Variants in PRKG1 observed in about 807,000 individuals in gnomAD.
PRKG1 encodes cGMP-dependent protein kinase 1.
Under a neutral mutation model 88.1 loss-of-function variants are expected in PRKG1, and 35 were observed. That is an observed-to-expected ratio of 0.40 (90% CI 0.30 to 0.53). The LOEUF is 0.53. Among genes scored for constraint, PRKG1 ranks in the 20% least tolerant of loss-of-function variants. The probability of loss-of-function intolerance (pLI) is 0.59; values close to 1 mark genes in which losing one functional copy is unlikely to be tolerated. For missense variants in PRKG1, 540 were observed against 839.8 expected, an observed-to-expected ratio of 0.64 and a Z score of 4.41; for synonymous variants, 303 against 292.5, an observed-to-expected ratio of 1.04 and a Z score of -0.37.
intron 3 of PRKG1, among the ~76,000 whole-genome samples, chr10:51,721,708 A>G (rs1301032430): frequency 6.6e-6 from 1 of 151,140 alleles, no homozygotes; most frequent in Non-Finnish European, 1.5e-5. Context: ...CCCAGGCAGT[A>G]TAGAGGATAT....
At chr10:51,464,064 G>A (rs886994627) in intron 2 of PRKG1, among the ~76,000 whole-genome samples, 8 of 152,052 alleles carry the variant, frequency 5.3e-5, no homozygotes, top group Non-Finnish European at 8.8e-5. Flanking sequence ...GAGATCAGGA[G>A]ATCGAGACCG....
At chr10:51,878,343 G>A (rs1841352605) in intron 4 of PRKG1, among the ~76,000 whole-genome samples, 1 of 151,860 alleles carries the variant, frequency 6.6e-6, no homozygotes, top group Non-Finnish European at 1.5e-5. Flanking sequence ...ATACTATGTT[G>A]AACAGGGGGA....
At chr10:51,149,437 G>T (rs2131968603) in intron 1 of PRKG1, among the ~76,000 whole-genome samples, 1 of 152,228 alleles carries the variant, frequency 6.6e-6, no homozygotes, top group African/African-American at 2.4e-5. Context: ...ACCTAAGATT[G>T]TGTAGAAAGA....
At chr10:51,674,417 A>C (rs183780919) in intron 3 of PRKG1, among the ~76,000 whole-genome samples, 1 of 152,044 alleles carries the variant, frequency 6.6e-6, no homozygotes, top group Non-Finnish European at 1.5e-5. Flanking sequence ...GGTGTTTGGC[A>C]TAGGACTGGG....
chr10:51,601,937 A>G (rs957073798), intron 3 of PRKG1, among the ~76,000 whole-genome samples: 3 of 151,642 alleles, frequency 2.0e-5, no homozygotes, highest in African/African-American at 7.3e-5. Flanking sequence ...AGCTCTTCAT[A>G]TTACAAAAAA....
intron 7 of PRKG1, among the ~76,000 whole-genome samples, chr10:52,067,725 T>C (rs1846387663): frequency 1.3e-5 from 2 of 152,112 alleles, no homozygotes; most frequent in South Asian, 4.1e-4. Context: ...ATCTTTTTTT[T>C]TTTTCTTTCC....
chr10:51,465,326 TTC>T (rs1250371332), intron 2 of PRKG1, among the ~76,000 whole-genome samples: 2 of 152,216 alleles, frequency 1.3e-5, no homozygotes, highest in African/African-American at 4.8e-5. Context: ...GCCCATAGGT[TTC>T]TTTCTACTGA....
upstream of PRKG1, among the ~76,000 whole-genome samples, chr10:51,069,772 G>C (rs1400858480): frequency 1.3e-5 from 2 of 152,070 alleles, no homozygotes; most frequent in Non-Finnish European, 2.9e-5. Context: ...GAGAAGCTCA[G>C]ATATTTTGAA....
intron 2 of PRKG1, among the ~76,000 whole-genome samples, chr10:51,345,729 A>G (rs992460837): frequency 6.6e-5 from 10 of 152,132 alleles, no homozygotes; most frequent in African/African-American, 2.2e-4. Context: ...TTATTTGTTC[A>G]TTTTTCATTT....
chr10:51,574,935 G>C (rs951924417), intron 3 of PRKG1, among the ~76,000 whole-genome samples: 1 of 151,956 alleles, frequency 6.6e-6, no homozygotes, highest in East Asian at 1.9e-4. Flanking sequence ...TAAATGGTGA[G>C]AGCAGGAGAG....
At chr10:51,122,311 C>A (rs1432794575) in intron 1 of PRKG1, among the ~76,000 whole-genome samples, 1 of 152,216 alleles carries the variant, frequency 6.6e-6, no homozygotes, top group Non-Finnish European at 1.5e-5. Context: ...TTCTCCCAAA[C>A]AGTAGTGAGA....
intron 6 of PRKG1, among the ~76,000 whole-genome samples, chr10:52,057,958 A>C (rs552968262): frequency 4.6e-5 from 7 of 152,038 alleles, no homozygotes; most frequent in Non-Finnish European, 1.0e-4. Flanking sequence ...TAGACATCCC[A>C]AATACTATAG....
intron 2 of PRKG1, among the ~76,000 whole-genome samples, chr10:51,414,056 G>A (rs543053896): frequency 7.9e-4 from 120 of 152,212 alleles, no homozygotes; most frequent in African/African-American, 2.7e-3. Flanking sequence ...TCTGAGCCTC[G>A]ATTTCCTTAT....
intron 2 of PRKG1, among the ~76,000 whole-genome samples, chr10:51,315,967 T>C (rs950938945): frequency 5.9e-5 from 9 of 152,236 alleles, no homozygotes; most frequent in Non-Finnish European, 8.8e-5. Context: ...CAAAATCTCC[T>C]ATAATTGGGT....
intron 1 of PRKG1, among the ~76,000 whole-genome samples, chr10:51,098,729 A>G (rs926008999): frequency 6.6e-6 from 1 of 152,220 alleles, no homozygotes; most frequent in Non-Finnish European, 1.5e-5. Flanking sequence ...AGGACTCTTT[A>G]CAAGTTTTAA....
At chr10:52,040,832 C>CTTT (rs11312625) in intron 5 of PRKG1, among the ~76,000 whole-genome samples, 2,303 of 85,168 alleles carry the variant, frequency 0.027, 131 homozygotes, top group African/African-American at 0.055. Context: ...AATGGCTTTT[C>CTTT]TTTTTTTTTT....
At chr10:51,798,722 A>G (rs996045529) in intron 3 of PRKG1, among the ~76,000 whole-genome samples, 10 of 152,098 alleles carry the variant, frequency 6.6e-5, no homozygotes, top group African/African-American at 2.4e-4. Context: ...AAATACTTTG[A>G]AGATAATAGT....
chr10:51,187,416 G>A (rs950290618), intron 2 of PRKG1, among the ~76,000 whole-genome samples: 2 of 151,928 alleles, frequency 1.3e-5, no homozygotes, highest in Non-Finnish European at 2.9e-5. Flanking sequence ...AAATGACAAC[G>A]TTAAAATCTT....
chr10:51,982,896 C>T (rs1010144891), intron 5 of PRKG1, among the ~76,000 whole-genome samples: 3 of 152,146 alleles, frequency 2.0e-5, no homozygotes, highest in Non-Finnish European at 4.4e-5. Context: ...CAGGCAGTCA[C>T]CTAAGTGGTG....
Sources: gnomAD v4.1 joint callset for allele counts (sites outside exome capture counted in the v4.1 genomes callset) on GRCh38, gnomAD v4.1.1 for gene constraint, MANE v1.5 for transcripts, NCBI Gene and HGNC (gene_info 2026-07-23, HGNC 2026-07-21) for gene names.